The following RORA variants were observed in gnomAD, a reference collection of about 807,000 sequenced individuals.
The protein encoded by RORA is nuclear receptor ROR-alpha.
RORA carries 7 observed loss-of-function variants against 69.5 expected under a neutral mutation model. The ratio of observed to expected loss-of-function variants is 0.10; its 90% CI spans 0.06 to 0.19. The LOEUF is 0.19. Ranked by LOEUF, RORA falls within the 10% of genes least tolerant of loss-of-function variation. The pLI is 1.00. For missense variants in RORA, 457 were observed against 663.0 expected (o/e 0.69, Z 3.41); for synonymous variants, 261 against 240.8 (o/e 1.08, Z -0.78).
chr15:61,176,015 T>A (rs1192019163), intron 1 of RORA: 1 of 152,244 alleles, frequency 6.6e-6, no homozygotes, highest in African/African-American at 2.4e-5. Context: ...TACACCATCA[T>A]AAAGGTTCCT....
chr15:60,943,674 G>A (rs1892771095), intron 1 of RORA, among the ~76,000 whole-genome samples: 1 of 151,966 alleles, frequency 6.6e-6, no homozygotes, highest in African/African-American at 2.4e-5. Flanking sequence ...CCAGCACTTT[G>A]GGAGGCTGAG....
chr15:61,200,784 C>T (rs1410322491), intron 1 of RORA, among the ~76,000 whole-genome samples: 1 of 152,124 alleles, frequency 6.6e-6, no homozygotes, highest in Non-Finnish European at 1.5e-5. Flanking sequence ...GTCTAATGCC[C>T]CAATCCCAAG....
chr15:60,683,373 C>T (rs2070680111), intron 1 of RORA, among the ~76,000 whole-genome samples: 1 of 152,150 alleles, frequency 6.6e-6, no homozygotes, highest in Non-Finnish European at 1.5e-5. Context: ...TGCTTCTAAG[C>T]TATCAAGCCA....
chr15:60,896,325 A>C (rs1891230176), intron 1 of RORA, among the ~76,000 whole-genome samples: 2 of 152,242 alleles, frequency 1.3e-5, no homozygotes, highest in Non-Finnish European at 2.9e-5. Flanking sequence ...CAATCAATGG[A>C]AAGCTAACAC....
chr15:60,506,995 A>G (rs2065527266), intron 5 of RORA, among the ~76,000 whole-genome samples: 1 of 152,010 alleles, frequency 6.6e-6, no homozygotes, highest in Non-Finnish European at 1.5e-5. Context: ...TTAAAAAAAA[A>G]AAAAGAAAAT....
rs1383979563 is a variant in RORA at position 60,642,709 on chromosome 15, A to C, written c.196+35948T>G. Among the ~76,000 whole-genome samples the C allele has an allele frequency of 3.9e-5, 6 of 152,086 alleles. No individual in the cohort carries two copies. In the South Asian group the frequency reaches 1.2e-3, roughly 32 times the overall value. On this transcript the variant is annotated intron_variant, in intron 2 of 10. Coordinates refer to ENST00000335670, the MANE Select transcript of RORA (RefSeq NM_134261.3). ...AGTTCAAGACCAGCCTAGGCAACAA[A>C]AAATTTACAAAAAAAATTTAAAAAT...
At chr15:60,880,907 G>A (rs1449872751) in intron 1 of RORA, among the ~76,000 whole-genome samples, 2 of 152,138 alleles carry the variant, frequency 1.3e-5, no homozygotes, top group East Asian at 3.9e-4. Context: ...CTTTAAAGGT[G>A]AGGCAGGTAC....
intron 1 of RORA, among the ~76,000 whole-genome samples, chr15:60,860,115 G>A (rs777825821): frequency 3.3e-5 from 5 of 152,154 alleles, no homozygotes; most frequent in Non-Finnish European, 5.9e-5. Context: ...CTTCCCTCTC[G>A]AGGTTTCAAG....
intron 1 of RORA, among the ~76,000 whole-genome samples, chr15:61,086,884 G>C (rs550238132): frequency 1.3e-5 from 2 of 152,256 alleles, no homozygotes; most frequent in African/African-American, 4.8e-5. Flanking sequence ...CCTACAAAAA[G>C]CATATGGGCA....
chr15:60,545,112 A>G (rs571718561), intron 2 of RORA: 1 of 152,332 alleles, frequency 6.6e-6, no homozygotes, highest in South Asian at 2.1e-4. Flanking sequence ...CTGCTATTCA[A>G]AGAGGCCTGA....
At chr15:60,973,212 A>G (rs1231323365) in intron 1 of RORA, among the ~76,000 whole-genome samples, 1 of 152,198 alleles carries the variant, frequency 6.6e-6, no homozygotes, top group Non-Finnish European at 1.5e-5. Flanking sequence ...ACCTGAGGGC[A>G]TCTTAAAATC....
intron 1 of RORA, among the ~76,000 whole-genome samples, chr15:61,026,293 G>A (rs554034461): frequency 3.9e-5 from 6 of 152,272 alleles, no homozygotes; most frequent in East Asian, 1.9e-4. Flanking sequence ...GCCCAACAGC[G>A]AACGAGTTCA....
At chr15:60,946,637 G>A (rs1019192456) in intron 1 of RORA, among the ~76,000 whole-genome samples, 6 of 152,166 alleles carry the variant, frequency 3.9e-5, no homozygotes, top group Non-Finnish European at 8.8e-5. Context: ...CCTCCCAGCC[G>A]CCTGCCTTGG....
chr15:60,620,607 G>A (rs1201994779), intron 2 of RORA, among the ~76,000 whole-genome samples: 1 of 152,258 alleles, frequency 6.6e-6, no homozygotes, highest in Admixed American at 6.5e-5. Context: ...ATGGACCTGG[G>A]AGGGAGCAGC....
intron 1 of RORA, among the ~76,000 whole-genome samples, chr15:61,124,317 T>TA (rs1283663298): frequency 6.6e-6 from 1 of 152,246 alleles, no homozygotes; most frequent in Non-Finnish European, 1.5e-5. Context: ...TTGTTTCCTA[T>TA]ATATTTGGAT....
At chr15:61,109,069 G>A (rs1345032694) in intron 1 of RORA, among the ~76,000 whole-genome samples, 5 of 152,210 alleles carry the variant, frequency 3.3e-5, no homozygotes, top group South Asian at 4.1e-4. Context: ...GGTGGTGCAC[G>A]CCTGTAATCC....
chr15:61,113,132 C>T (rs1242355451), intron 1 of RORA, among the ~76,000 whole-genome samples: 1 of 152,180 alleles, frequency 6.6e-6, no homozygotes, highest in Non-Finnish European at 1.5e-5. Flanking sequence ...TATGGGTTGC[C>T]CCCTGGAATA....
intron 1 of RORA, among the ~76,000 whole-genome samples, chr15:60,799,809 A>G (rs942007476): frequency 1.3e-5 from 2 of 152,228 alleles, no homozygotes; most frequent in African/African-American, 2.4e-5. Flanking sequence ...GGGGCACAGG[A>G]AGAGACAAAT....
At chr15:60,891,688 C>T (rs949159391) in intron 1 of RORA, among the ~76,000 whole-genome samples, 1 of 152,214 alleles carries the variant, frequency 6.6e-6, no homozygotes, top group Non-Finnish European at 1.5e-5. Flanking sequence ...CCTGTCTTTC[C>T]AGCCTCATTT....
Sources: allele counts gnomAD v4.1 joint callset (sites outside exome capture counted in the v4.1 genomes callset), GRCh38; gene constraint gnomAD v4.1.1; transcripts MANE v1.5; gene names NCBI Gene and HGNC (gene_info 2026-07-23, HGNC 2026-07-21).